The following BCHE variants were observed in gnomAD, a reference collection of about 807,000 sequenced individuals.
BCHE encodes the protein butyrylcholinesterase, also known as cholinesterase.
A neutral mutation model predicts 51.3 loss-of-function variants in BCHE; 48 were observed. The ratio of observed to expected loss-of-function variants is 0.94; its 90% CI spans 0.74 to 1.19. The LOEUF (loss-of-function observed/expected upper bound fraction) is 1.19, where lower values mean the gene tolerates loss of function less well. Ranked by LOEUF, BCHE falls within the 50% of genes most tolerant of loss-of-function variation. The pLI, the probability that BCHE is intolerant of heterozygous loss-of-function variation, is 0.00. For missense variants in BCHE, 847 were observed against 708.2 expected, an observed-to-expected ratio of 1.20 and a Z score of -2.23; for synonymous variants, 251 against 238.0, an observed-to-expected ratio of 1.05 and a Z score of -0.50.
intron 1 of BCHE, among the ~76,000 whole-genome samples, chr3:165,833,111 C>T (rs1715051008): frequency 6.6e-6 from 1 of 151,710 alleles, no homozygotes; most frequent in South Asian, 2.1e-4. Context: ...AAAATCAAGC[C>T]ACAAGATTAT....
At chr3:165,836,822 T>C (rs1257932075) in intron 1 of BCHE, among the ~76,000 whole-genome samples, 1 of 152,138 alleles carries the variant, frequency 6.6e-6, no homozygotes, top group Admixed American at 6.5e-5. Flanking sequence ...GTTGTTACTG[T>C]TAAAGTTTTA....
intron 2 of BCHE, among the ~76,000 whole-genome samples, chr3:165,795,242 T>C (rs1446342688): frequency 1.3e-5 from 2 of 152,198 alleles, no homozygotes; most frequent in Non-Finnish European, 2.9e-5. Flanking sequence ...ACGTTTGACT[T>C]CAATGTCCTT....
At chr3:165,816,230 G>C (rs755062253) in intron 2 of BCHE, among the ~76,000 whole-genome samples, 6 of 151,688 alleles carry the variant, frequency 4.0e-5, no homozygotes, top group Non-Finnish European at 5.9e-5. Flanking sequence ...AATTACTGAT[G>C]ACCTAAGTTC....
At chr3:165,776,538 G>A (rs564611063) in intron 3 of BCHE, among the ~76,000 whole-genome samples, 98 of 151,948 alleles carry the variant, frequency 6.4e-4, no homozygotes, top group Middle Eastern at 3.4e-3. Context: ...GTGTAGAAAA[G>A]AGAAAAAGAA....
At chr3:165,823,822 A>G (rs918026353) in intron 2 of BCHE, among the ~76,000 whole-genome samples, 1 of 151,946 alleles carries the variant, frequency 6.6e-6, no homozygotes, top group African/African-American at 2.4e-5. Flanking sequence ...CAGTGCCCTG[A>G]TCATAGTCCA....
chr3:165,793,389 T>C (rs569710634), intron 2 of BCHE, among the ~76,000 whole-genome samples: 3 of 152,302 alleles, frequency 2.0e-5, no homozygotes, highest in Non-Finnish European at 4.4e-5. Flanking sequence ...TCAGTGTTTA[T>C]CACCTCATAT....
intron 2 of BCHE, among the ~76,000 whole-genome samples, chr3:165,795,366 T>C (rs1225125962): frequency 6.6e-6 from 1 of 152,174 alleles, no homozygotes; most frequent in African/African-American, 2.4e-5. Context: ...TGACTTACTA[T>C]AGTTTGTTAG....
At chr3:165,796,155 A>G (rs1170014101) in intron 2 of BCHE, among the ~76,000 whole-genome samples, 1 of 152,226 alleles carries the variant, frequency 6.6e-6, no homozygotes, top group African/African-American at 2.4e-5. Context: ...CTAGCTGCAC[A>G]TAATTTTCAA....
chr3:165,797,834 C>T (rs776242777), intron 2 of BCHE, among the ~76,000 whole-genome samples: 1 of 152,094 alleles, frequency 6.6e-6, no homozygotes, highest in Non-Finnish European at 1.5e-5. Context: ...GTAGCATATA[C>T]AAATCTTAAA....
At position 165,802,630 on chromosome 3, in the gene BCHE, T is replaced by G. The variant is rs544641985; in HGVS notation, c.1518-16319A>C. ...AAATTTTAAAAATAGGAAAATTTGT[T>G]TTTTTTTTTTTGTAATTGTAAATGG... On this transcript the variant is annotated intron_variant, in intron 2 of 3. Transcript: ENST00000264381. Among the ~76,000 whole-genome samples the G allele has an allele frequency of 2.5e-3, 358 of 145,838 alleles. 1 individual carries two copies. Among genetic ancestry groups the G allele is most frequent in the African/African-American group, 7.9e-3 (303 of 38,514 alleles).
At chr3:165,784,921 A>T (rs2668196) in intron 3 of BCHE, among the ~76,000 whole-genome samples, 114,678 of 151,530 alleles carry the variant, frequency 0.76, 43,898 homozygotes, top group Non-Finnish European at 0.8. Context: ...GAGTTACCTC[A>T]TCGTTATTTA....
At chr3:165,817,625 T>C (rs1009794620) in intron 2 of BCHE, among the ~76,000 whole-genome samples, 1 of 152,192 alleles carries the variant, frequency 6.6e-6, no homozygotes, top group Admixed American at 6.6e-5. Context: ...TTCACATGAT[T>C]TACTCTGTCC....
At chr3:165,799,789 T>C (rs1219645054) in intron 2 of BCHE, among the ~76,000 whole-genome samples, 1 of 152,090 alleles carries the variant, frequency 6.6e-6, no homozygotes, top group Non-Finnish European at 1.5e-5. Flanking sequence ...GATACTTAAG[T>C]AATTGGTGAA....
rs1714951733 is a variant in BCHE at position 165,830,933 on chromosome 3, A to G, written c.101T>C (p.Ile34Thr). ...TCTGACTTTTCCATTCTTTGTTGCA[A>G]TTATGATGTCATCTTCAGTATGTGA... is the stretch of plus-strand genomic sequence containing the variant. ...GKSHTEDDII[I>T]ATKNGKVRGM... is the part of the protein sequence containing the mutation. Residue 34 changes from isoleucine to threonine, a missense_variant, in exon 2 of 4, where the codon ATT becomes ACT. Physicochemically the swap from Ile to Thr is moderately conservative, Grantham distance 89. Transcript: ENST00000264381. 1.9e-6 allele frequency: 3 copies of G among 1,613,938 alleles called. No homozygotes were observed. Among genetic ancestry groups the G allele is most frequent in the South Asian group, 1.1e-5 (1 of 91,090 alleles).
In BCHE at chr3:165,785,687, T is replaced by C. The variant is rs149583312; in HGVS notation, c.1684+458A>G. On this transcript the variant is annotated intron_variant, in intron 3 of 3. Coordinates refer to ENST00000264381, the MANE Select transcript of BCHE (RefSeq NM_000055.4). ...ATTTTTTATTGTGTTTTTAAATATG[T>C]AAACTTCGGAGTTTTTTTCTCCATT... Among the ~76,000 whole-genome samples, 254 of 151,840 alleles carry C rather than the reference T, an allele frequency of 1.7e-3. 1 individual carries two copies. The highest frequency in any genetic ancestry group is 5.8e-3 in the African/African-American group (242 of 41,532).
intron 2 of BCHE, among the ~76,000 whole-genome samples, chr3:165,807,706 CA>C: frequency 6.6e-6 from 1 of 151,844 alleles, no homozygotes; most frequent in East Asian, 2.0e-4. Context: ...AGGCACATGC[CA>C]CCACACTTGG....
At chr3:165,795,025 T>G (rs1004667317) in intron 2 of BCHE, among the ~76,000 whole-genome samples, 1 of 152,142 alleles carries the variant, frequency 6.6e-6, no homozygotes. Flanking sequence ...GTTTTTGCAG[T>G]AAGAATTAAG....
At chr3:165,775,827 A>C (rs1225459037) in intron 3 of BCHE, among the ~76,000 whole-genome samples, 2 of 152,012 alleles carry the variant, frequency 1.3e-5, no homozygotes, top group Non-Finnish European at 2.9e-5. Flanking sequence ...TTCCTAATGA[A>C]ATCCAGAGAA....
chr3:165,799,658 A>T (rs1288675943), intron 2 of BCHE, among the ~76,000 whole-genome samples: 1 of 152,162 alleles, frequency 6.6e-6, no homozygotes, highest in Non-Finnish European at 1.5e-5. Context: ...ACATATATAC[A>T]GACTCGAGCC....
Sources: gnomAD v4.1 joint callset for allele counts (sites outside exome capture counted in the v4.1 genomes callset) on GRCh38, gnomAD v4.1.1 for gene constraint, MANE v1.5 for transcripts, NCBI Gene and HGNC (gene_info 2026-07-23, HGNC 2026-07-21) for gene names.